LTBP1: variants seen among roughly 807,000 people sequenced by gnomAD.
The protein encoded by LTBP1 is latent-transforming growth factor beta-binding protein 1.
Under a neutral mutation model 207.6 loss-of-function variants are expected in LTBP1, and 129 were observed. The observed-to-expected ratio is 0.62, with a 90% CI of 0.54 to 0.72. LTBP1 has a LOEUF of 0.72. Ranked by LOEUF, LTBP1 falls within the 30% of genes least tolerant of loss-of-function variation. The pLI is 0.00. For missense variants in LTBP1, 2,281 were observed against 2,217.2 expected, an observed-to-expected ratio of 1.03 and a Z score of -0.58; for synonymous variants, 963 against 833.7, an observed-to-expected ratio of 1.16 and a Z score of -2.67.
chr2:33,365,511 C>G lies in LTBP1; in HGVS notation c.4711+8C>G. The stretch of plus-strand genomic sequence containing the variant: ...GCCCCCTGAAGGATTCAGGTGAGCC[C>G]ATATCCAATTCCTTCTGCAGGAGGC... On this transcript the variant is annotated splice_region_variant and intron_variant, in intron 31 of 33. Transcript: ENST00000404816. 1 of 1,611,276 alleles carries G rather than the reference C, an allele frequency of 6.2e-7. No individual in the cohort carries two copies. The highest frequency in any genetic ancestry group is 8.5e-7 in the Non-Finnish European group (1 of 1,178,620).
chr2:33,392,032 G>A (rs941052299), intron 32 of LTBP1, among the ~76,000 whole-genome samples: 3 of 152,212 alleles, frequency 2.0e-5, no homozygotes, highest in Admixed American at 2.0e-4. Flanking sequence ...GTGTTGGGTA[G>A]ATAGTAACAT....
At chr2:33,010,820 A>T (rs1261904037) in intron 2 of LTBP1, among the ~76,000 whole-genome samples, 1 of 151,186 alleles carries the variant, frequency 6.6e-6, no homozygotes, top group African/African-American at 2.4e-5. Flanking sequence ...CCTGGGTTCA[A>T]GTGATTCTTC....
At position 33,262,728 on chromosome 2, in the gene LTBP1, C is replaced by G. The variant is rs144637714; in HGVS notation, c.2425C>G (p.Pro809Ala). 1.3e-6 allele frequency: 2 copies of G among 1,576,052 alleles called. No individual in the cohort carries two copies. The highest frequency in any genetic ancestry group is 2.7e-5 in the African/African-American group (2 of 73,504). The change falls in exon 14 of 34, where the codon CCT becomes GCT. Residue 809 changes from proline (P) to alanine (A), a missense_variant. Pro to Ala is a conservative substitution (Grantham distance 27). Coordinates refer to ENST00000404816, the MANE Select transcript of LTBP1 (RefSeq NM_206943.4). ...VATAPPEKEI[P>A]SLDQEKTKLE... Reference sequence around the variant, plus strand: ...TTAAAATACAACCATCCAGGAAATACCTTCATTGGATCAAGAGAAAACCAA... The same window carrying G: ...TTAAAATACAACCATCCAGGAAATAGCTTCATTGGATCAAGAGAAAACCAA...
At chr2:33,053,900 A>G (rs1448143650) in intron 3 of LTBP1, among the ~76,000 whole-genome samples, 1 of 152,174 alleles carries the variant, frequency 6.6e-6, no homozygotes, top group Non-Finnish European at 1.5e-5. Flanking sequence ...GAAGGACCAG[A>G]GTGCCTGGAC....
intron 22 of LTBP1, 37 bp downstream of exon 22, chr2:33,301,681 C>G (rs116724079): frequency 6.5e-7 from 1 of 1,528,080 alleles, no homozygotes; most frequent in African/African-American, 1.4e-5. Flanking sequence ...CATAAAATGC[C>G]CAGATCGGAG....
chr2:32,963,969 A>G (rs1044791203), intron 2 of LTBP1, among the ~76,000 whole-genome samples: 3 of 152,276 alleles, frequency 2.0e-5, no homozygotes, highest in African/African-American at 7.2e-5. Flanking sequence ...GCAACATTTT[A>G]TTTTAGAAAT....
At chr2:33,155,680 C>T (rs150595796) in intron 5 of LTBP1, among the ~76,000 whole-genome samples, 12 of 152,174 alleles carry the variant, frequency 7.9e-5, no homozygotes, top group African/African-American at 2.9e-4. Flanking sequence ...AAACTTTTCT[C>T]CTTTGCCTGT....
At chr2:33,353,684 T>C (rs2094814100) in intron 26 of LTBP1, among the ~76,000 whole-genome samples, 1 of 152,190 alleles carries the variant, frequency 6.6e-6, no homozygotes, top group African/African-American at 2.4e-5. Context: ...TAGGAAGTGC[T>C]GCTTCAGATT....
intron 15 of LTBP1, among the ~76,000 whole-genome samples, chr2:33,272,285 A>G (rs1413618390): frequency 6.6e-6 from 1 of 152,218 alleles, no homozygotes; most frequent in Non-Finnish European, 1.5e-5. Flanking sequence ...GTTATTAGCG[A>G]GAATAGCCCA....
At chr2:33,269,101 C>CCATTCATT (rs3050390) in intron 15 of LTBP1, among the ~76,000 whole-genome samples, 50 of 151,556 alleles carry the variant, frequency 3.3e-4, no homozygotes, top group Admixed American at 7.2e-4. Flanking sequence ...TTTCCAGACT[C>CCATTCATT]CATTCATTCA....
intron 2 of LTBP1, among the ~76,000 whole-genome samples, chr2:33,012,930 T>C (rs1433801882): frequency 6.6e-6 from 1 of 152,222 alleles, no homozygotes; most frequent in East Asian, 1.9e-4. Context: ...TGGCAGTGAA[T>C]AATGAAATAA....
At chr2:33,376,536 G>T (rs1253724422) in intron 31 of LTBP1, among the ~76,000 whole-genome samples, 1 of 152,248 alleles carries the variant, frequency 6.6e-6, no homozygotes, top group African/African-American at 2.4e-5. Flanking sequence ...TAATGAGTCT[G>T]CCCTGCCCAC....
intron 10 of LTBP1, among the ~76,000 whole-genome samples, chr2:33,245,145 G>T (rs978739344): frequency 3.3e-5 from 5 of 152,150 alleles, no homozygotes; most frequent in Non-Finnish European, 7.4e-5. Context: ...CTCCCAAAGT[G>T]CTGGGATTAT....
intron 24 of LTBP1, among the ~76,000 whole-genome samples, chr2:33,341,818 C>T (rs2094629328): frequency 6.6e-6 from 1 of 150,394 alleles, no homozygotes; most frequent in Non-Finnish European, 1.5e-5. Flanking sequence ...CCAAACTAAA[C>T]TCTGTCAAGT....
intron 2 of LTBP1, among the ~76,000 whole-genome samples, chr2:33,014,899 TG>T (rs1431988408): frequency 2.6e-5 from 4 of 152,084 alleles, no homozygotes; most frequent in African/African-American, 9.7e-5. Flanking sequence ...TGTAGGGTTT[TG>T]TTGCTTAACC....
chr2:33,152,427 C>T (rs187049460), intron 5 of LTBP1, among the ~76,000 whole-genome samples: 3 of 152,130 alleles, frequency 2.0e-5, no homozygotes, highest in Non-Finnish European at 4.4e-5. Context: ...TAGATGTTGG[C>T]GTGGATGTGG....
intron 4 of LTBP1, among the ~76,000 whole-genome samples, chr2:33,120,392 TA>T (rs1412754908): frequency 6.6e-6 from 1 of 152,216 alleles, no homozygotes; most frequent in Non-Finnish European, 1.5e-5. Flanking sequence ...TTTGTGTTCA[TA>T]AGTTCTTATC....
intron 7 of LTBP1, among the ~76,000 whole-genome samples, chr2:33,207,228 A>T (rs1293165096): frequency 6.6e-6 from 1 of 152,116 alleles, no homozygotes; most frequent in East Asian, 1.9e-4. Flanking sequence ...GACTTTAAAA[A>T]CCATTTTTGC....
rs556614682 is a variant in LTBP1, at chr2:33,228,119, A to G, written c.1876+5968A>G. On this transcript the variant is annotated intron_variant, in intron 9 of 33. Transcript: ENST00000404816. ...CACGCCCGGCCAAGAAGCTCTTATT[A>G]TAGCTTTATTTTATTTGGTCCAGTA... Among the ~76,000 whole-genome samples the G allele has an allele frequency of 3.9e-5, 6 of 152,212 alleles. No homozygotes were observed. The Middle Eastern group carries it at 0.014, about 345-fold the overall frequency.
Sources: allele counts gnomAD v4.1 joint callset (sites outside exome capture counted in the v4.1 genomes callset), GRCh38; gene constraint gnomAD v4.1.1; transcripts MANE v1.5; gene names NCBI Gene and HGNC (gene_info 2026-07-23, HGNC 2026-07-21).